The following MEIKIN variants were observed in gnomAD, a reference collection of about 807,000 sequenced individuals.
MEIKIN encodes meiosis-specific kinetochore protein.
chr5:131,925,678 G>GT (rs905509130), intron 5 of MEIKIN, among the ~76,000 whole-genome samples: 26 of 150,664 alleles, frequency 1.7e-4, no homozygotes, highest in Middle Eastern at 3.4e-3. Flanking sequence ...TTTGTTTTTT[G>GT]TTTTTTTTGA....
At chr5:131,880,013 G>C (rs776381728) in intron 8 of MEIKIN, among the ~76,000 whole-genome samples, 3 of 152,104 alleles carry the variant, frequency 2.0e-5, no homozygotes, top group Admixed American at 2.0e-4. Flanking sequence ...TCCACCTCTC[G>C]GGTTCAAGCA....
chr5:131,832,327 T>C (rs1749728881), intron 11 of MEIKIN, among the ~76,000 whole-genome samples: 1 of 152,210 alleles, frequency 6.6e-6, no homozygotes, highest in African/African-American at 2.4e-5. Context: ...ATATTTTTTT[T>C]GACTCCAGGT....
In MEIKIN at chr5:131,849,863, T is replaced by C. The variant is rs147188251; in HGVS notation, c.975+1401A>G. Among the ~76,000 whole-genome samples, 36 of 151,986 alleles carry C rather than the reference T, an allele frequency of 2.4e-4. No individual in the cohort carries two copies. In the East Asian group the frequency reaches 6.6e-3, roughly 28 times the overall value. On this transcript the variant is annotated intron_variant, in intron 11 of 12. Coordinates refer to ENST00000442687, the MANE Select transcript of MEIKIN (RefSeq NM_001303622.2). ...GGAAAAGAAATAAAAGGCATCCAAA[T>C]TGTAAAGCAAGAAGTAAAATTATCT...
At chr5:131,936,594 CT>C (rs1213815784) in intron 4 of MEIKIN, among the ~76,000 whole-genome samples, 5 of 152,116 alleles carry the variant, frequency 3.3e-5, no homozygotes, top group Non-Finnish European at 7.4e-5. Context: ...TTTGTTCCAA[CT>C]TTTTTTTCTT....
intron 8 of MEIKIN, among the ~76,000 whole-genome samples, chr5:131,891,485 C>G (rs1293057304): frequency 1.3e-5 from 2 of 152,184 alleles, no homozygotes; most frequent in African/African-American, 4.8e-5. Flanking sequence ...CCTCCTTTGT[C>G]TCTTTTGATC....
chr5:131,810,986 A>G (rs1294431573), intron 12 of MEIKIN, among the ~76,000 whole-genome samples: 5 of 152,190 alleles, frequency 3.3e-5, no homozygotes, highest in Non-Finnish European at 1.5e-5. Flanking sequence ...TAACATGATC[A>G]CTAGTTAGCT....
chr5:131,842,868 T>A (rs1044031395), intron 11 of MEIKIN, among the ~76,000 whole-genome samples: 22 of 152,208 alleles, frequency 1.4e-4, no homozygotes, highest in Admixed American at 6.5e-4. Flanking sequence ...CAACCCCACA[T>A]TTTCCCTCCA....
intron 8 of MEIKIN, among the ~76,000 whole-genome samples, chr5:131,907,819 C>T (rs532916102): frequency 3.9e-5 from 6 of 152,120 alleles, no homozygotes; most frequent in Non-Finnish European, 7.4e-5. Context: ...TTGCAGTGAG[C>T]TGAGATTGTG....
intron 5 of MEIKIN, among the ~76,000 whole-genome samples, chr5:131,931,627 G>A (rs1751695526): frequency 6.6e-6 from 1 of 152,184 alleles, no homozygotes. Context: ...CTAGGAGTAG[G>A]AATTATGGTG....
chr5:131,865,816 T>A (rs2149621787), intron 9 of MEIKIN, among the ~76,000 whole-genome samples: 1 of 152,364 alleles, frequency 6.6e-6, no homozygotes, highest in East Asian at 1.9e-4. Flanking sequence ...CAGTGTTATC[T>A]GTGATTTCCT....
intron 12 of MEIKIN, among the ~76,000 whole-genome samples, chr5:131,816,526 G>A (rs1489639072): frequency 6.6e-6 from 1 of 152,166 alleles, no homozygotes; most frequent in Non-Finnish European, 1.5e-5. Context: ...CATACAGTTT[G>A]CAAACTTGCC....
chr5:131,815,012 G>T (rs1050664532), intron 12 of MEIKIN, among the ~76,000 whole-genome samples: 3 of 152,098 alleles, frequency 2.0e-5, no homozygotes, highest in Non-Finnish European at 2.9e-5. Flanking sequence ...ATCATGGAAG[G>T]GGTAGCATTT....
chr5:131,936,506 T>A (rs1751779126), intron 4 of MEIKIN, among the ~76,000 whole-genome samples: 1 of 152,258 alleles, frequency 6.6e-6, no homozygotes, highest in African/African-American at 2.4e-5. Flanking sequence ...CTACAATTTC[T>A]TTTCCTTTGA....
At chr5:131,829,711 TC>T (rs1158471312) in intron 11 of MEIKIN, among the ~76,000 whole-genome samples, 18 of 151,552 alleles carry the variant, frequency 1.2e-4, no homozygotes, top group African/African-American at 4.4e-4. Flanking sequence ...GGAAATAGGG[TC>T]TCTGCAGACT....
intron 12 of MEIKIN, among the ~76,000 whole-genome samples, chr5:131,812,780 T>G (rs895998110): frequency 1.3e-5 from 2 of 152,222 alleles, no homozygotes; most frequent in Admixed American, 6.5e-5. Flanking sequence ...TAGTGGCAGA[T>G]AGAAACGCTG....
chr5:131,889,820 G>C (rs773407920), intron 8 of MEIKIN, among the ~76,000 whole-genome samples: 22 of 152,018 alleles, frequency 1.4e-4, no homozygotes, highest in Non-Finnish European at 2.5e-4. Flanking sequence ...CCAGTTTTTG[G>C]CCATTCAGTA....
At chr5:131,944,904 G>T in intron 2 of MEIKIN, 152 bp from the exon 3 acceptor site, 1 of 398,084 alleles carries the variant, frequency 2.5e-6, no homozygotes, top group Non-Finnish European at 4.4e-6. Flanking sequence ...CCCAAATGCA[G>T]TGACACAATC....
intron 8 of MEIKIN, among the ~76,000 whole-genome samples, chr5:131,893,179 G>A (rs1020393646): frequency 2.0e-5 from 3 of 152,232 alleles, no homozygotes; most frequent in African/African-American, 7.2e-5. Context: ...TCTGTGCCCT[G>A]TCCCCAGAGG....
At chr5:131,894,062 A>T (rs1455664638) in intron 8 of MEIKIN, among the ~76,000 whole-genome samples, 1 of 152,132 alleles carries the variant, frequency 6.6e-6, no homozygotes, top group Non-Finnish European at 1.5e-5. Context: ...ATCCATCTTG[A>T]ATTAATTTTT....
Sources: gnomAD v4.1 joint callset for allele counts (sites outside exome capture counted in the v4.1 genomes callset) on GRCh38, gnomAD v4.1.1 for gene constraint, MANE v1.5 for transcripts, NCBI Gene and HGNC (gene_info 2026-07-23, HGNC 2026-07-21) for gene names.